The following RICTOR variants were observed in gnomAD, a reference collection of about 807,000 sequenced individuals.
The protein encoded by RICTOR is RPTOR independent companion of MTOR complex 2.
RICTOR carries 49 observed loss-of-function variants against 214.9 expected under a neutral mutation model. That is an observed-to-expected ratio of 0.23 (90% CI 0.18 to 0.29). The LOEUF is 0.29. RICTOR is among the 10% of genes least tolerant of loss of function. The probability of loss-of-function intolerance (pLI) is 1.00; values close to 1 mark genes in which losing one functional copy is unlikely to be tolerated. For synonymous variants in RICTOR, 717 were observed against 711.3 expected, an observed-to-expected ratio of 1.01 and a Z score of -0.13; for missense variants, 1,625 against 2,047.0, an observed-to-expected ratio of 0.79 and a Z score of 3.98.
At chr5:38,958,918 T>C (rs1749550267) in intron 22 of RICTOR, 87 bp from the exon 23 acceptor site, 4 of 990,300 alleles carry the variant, frequency 4.0e-6, no homozygotes, top group Non-Finnish European at 5.6e-6. Flanking sequence ...GTCCTGCTAC[T>C]TGAAAAGGGA....
chr5:38,940,921 TA>T lies in RICTOR; in HGVS notation c.*1382del. On this transcript the variant is annotated 3_prime_UTR_variant, in exon 38 of 38. Coordinates refer to ENST00000357387, the MANE Select transcript of RICTOR (RefSeq NM_152756.5). ...TGTCAAAACTGATGTGTAATTGTAA[TA>T]AAAATGTTATACACAAATGAATTAA... 1 of 232,502 alleles carries T rather than the reference TA, an allele frequency of 4.3e-6. No homozygotes were observed. The highest frequency in any genetic ancestry group is 8.5e-6 in the Non-Finnish European group (1 of 117,562). The allele number at this position is 232,502 out of a possible 1,614,324, so 14.4% of individuals were successfully genotyped here. A position where few individuals can be genotyped will look rare whatever the true frequency, so the allele number is the denominator to read the frequency against.
At chr5:39,057,891 C>T (rs1350715948) in intron 2 of RICTOR, among the ~76,000 whole-genome samples, 1 of 152,130 alleles carries the variant, frequency 6.6e-6, no homozygotes, top group Non-Finnish European at 1.5e-5. Context: ...AGTTAATTAT[C>T]AGCATTTAGA....
chr5:38,982,717 T>C (rs1239886343), intron 7 of RICTOR, among the ~76,000 whole-genome samples: 1 of 152,132 alleles, frequency 6.6e-6, no homozygotes, highest in Admixed American at 6.5e-5. Flanking sequence ...TTGATTCTCT[T>C]TCATTTTTCT....
At chr5:38,964,473 A>G (rs1228446880) in intron 16 of RICTOR, among the ~76,000 whole-genome samples, 1 of 151,892 alleles carries the variant, frequency 6.6e-6, no homozygotes, top group East Asian at 1.9e-4. Context: ...ACATAAAAAA[A>G]AGAGCCAGAA....
chr5:39,034,862 C>T (rs1756552263), intron 2 of RICTOR, among the ~76,000 whole-genome samples: 1 of 152,248 alleles, frequency 6.6e-6, no homozygotes, highest in African/African-American at 2.4e-5. Flanking sequence ...GGAGGCCTGC[C>T]TGCCTCTGTA....
chr5:39,002,713 A>G, intron 4 of RICTOR, 47 bp from the exon 5 acceptor site: 1 of 1,549,850 alleles, frequency 6.5e-7, no homozygotes, highest in Non-Finnish European at 8.7e-7. Context: ...CAGGTTTCAA[A>G]TACACACAAA....
rs1561460716 is a variant in RICTOR, at chr5:38,959,867, G to A, written c.1963C>T (p.Leu655Phe). 2.5e-6 allele frequency: 4 copies of A among 1,612,070 alleles called. No individual in the cohort carries two copies. The highest frequency in any genetic ancestry group is 3.4e-6 in the Non-Finnish European group (4 of 1,178,408). ...SLQNNGLLTTLSQHYFLFIGT... is the reference protein window; with the variant it reads ...SLQNNGLLTTFSQHYFLFIGT... ...ATAAATAAAAAGTAGTGTTGACTAA[G>A]GGTGGTCAATAAACCATTATTTTGA... The change falls in exon 21 of 38, where the codon CTT becomes TTT. Residue 655 changes from leucine (L) to phenylalanine (F), a missense_variant. This residue lies in a region of RICTOR where 1,214 missense variants were observed against 1,470.5 expected (regional missense o/e 0.83). Transcript: ENST00000357387.
intron 30 of RICTOR, 47 bp from the exon 31 acceptor site, chr5:38,950,767 T>A (rs1302847088): frequency 1.4e-6 from 2 of 1,478,770 alleles, no homozygotes; most frequent in African/African-American, 2.8e-5. Context: ...AAATGACAAA[T>A]TCATGATAAC....
At chr5:38,954,254 A>G (rs939067881) in intron 27 of RICTOR, among the ~76,000 whole-genome samples, 3 of 151,986 alleles carry the variant, frequency 2.0e-5, no homozygotes, top group Non-Finnish European at 4.4e-5. Flanking sequence ...ACATATTCAC[A>G]ACCATAAATG....
At chr5:38,990,690 TATG>T (rs1752617542) in intron 7 of RICTOR, among the ~76,000 whole-genome samples, 1 of 104,100 alleles carries the variant, frequency 9.6e-6, no homozygotes, top group Non-Finnish European at 1.9e-5. Flanking sequence ...ATATCATATA[TATG>T]ATATATATCA....
intron 6 of RICTOR, among the ~76,000 whole-genome samples, chr5:38,993,647 A>G (rs1267178107): frequency 6.6e-6 from 1 of 152,104 alleles, no homozygotes; most frequent in Non-Finnish European, 1.5e-5. Flanking sequence ...TACTTTTATT[A>G]GAAATTTTAA....
intron 4 of RICTOR, among the ~76,000 whole-genome samples, 189 bp downstream of exon 4, chr5:39,003,369 T>C (rs1029875595): frequency 1.3e-5 from 2 of 152,172 alleles, no homozygotes; most frequent in South Asian, 4.1e-4. Context: ...TATTTAGTAA[T>C]TAGAAAATAT....
chr5:39,033,339 C>T (rs1193375395), intron 2 of RICTOR, among the ~76,000 whole-genome samples: 1 of 151,974 alleles, frequency 6.6e-6, no homozygotes, highest in East Asian at 1.9e-4. Context: ...TCTCAGCTCA[C>T]TGCAACCTCT....
At chr5:38,954,694 A>G (rs541685191) in intron 27 of RICTOR, 80 bp downstream of exon 27, 1 of 853,078 alleles carries the variant, frequency 1.2e-6, no homozygotes, top group East Asian at 2.5e-5. Context: ...GTTTTTGCAA[A>G]GGTAATATTT....
intron 2 of RICTOR, among the ~76,000 whole-genome samples, chr5:39,038,841 T>G (rs1297975045): frequency 6.6e-6 from 1 of 151,974 alleles, no homozygotes; most frequent in Admixed American, 6.6e-5. Flanking sequence ...GGAAGAACAT[T>G]CCATGCTCAC....
intron 2 of RICTOR, among the ~76,000 whole-genome samples, chr5:39,073,569 C>G (rs551681141): frequency 2.0e-5 from 3 of 152,306 alleles, no homozygotes; most frequent in South Asian, 2.1e-4. Context: ...ATGACCAGTT[C>G]TAGGTTTCAC....
At chr5:39,043,548 G>A (rs1375430908) in intron 2 of RICTOR, among the ~76,000 whole-genome samples, 3 of 152,152 alleles carry the variant, frequency 2.0e-5, no homozygotes, top group Non-Finnish European at 4.4e-5. Flanking sequence ...CTCTTGTGCA[G>A]TAGGGTGACT....
At chr5:38,990,725 A>ATCAGATATGATATATATCATATATC (rs1752646857) in intron 7 of RICTOR, among the ~76,000 whole-genome samples, 1 of 123,146 alleles carries the variant, frequency 8.1e-6, no homozygotes, top group African/African-American at 3.0e-5. Flanking sequence ...TATGATATAT[A>ATCAGATATGATATATATCATATATC]TCATATATAT....
intron 3 of RICTOR, among the ~76,000 whole-genome samples, chr5:39,006,080 T>C (rs943439888): frequency 3.3e-5 from 5 of 152,188 alleles, no homozygotes; most frequent in Admixed American, 2.0e-4. Context: ...TGCTGTTTTT[T>C]GACTTTCGGC....
Sources: allele counts gnomAD v4.1 joint callset (sites outside exome capture counted in the v4.1 genomes callset), GRCh38; gene constraint gnomAD v4.1.1; regional missense constraint gnomAD v4.1.1; transcripts MANE v1.5; gene names NCBI Gene and HGNC (gene_info 2026-07-23, HGNC 2026-07-21).